APBB2: variants seen among roughly 807,000 people sequenced by gnomAD.
APBB2 encodes the protein amyloid beta precursor protein binding family B member 2, also known as Fe65-like 1.
A neutral mutation model predicts 82.5 loss-of-function variants in APBB2; 38 were observed. The ratio of observed to expected loss-of-function variants is 0.46; its 90% CI spans 0.36 to 0.60. The LOEUF (loss-of-function observed/expected upper bound fraction) is 0.60, where lower values mean the gene tolerates loss of function less well. Among genes scored for constraint, APBB2 ranks in the 20% least tolerant of loss-of-function variants. APBB2 has a pLI of 0.00. For synonymous variants in APBB2, 341 were observed against 368.2 expected (o/e 0.93, Z 0.85); for missense variants, 772 against 972.3 (o/e 0.79, Z 2.74).
At chr4:40,886,132 C>T (rs1324275033) in intron 12 of APBB2, among the ~76,000 whole-genome samples, 1 of 152,204 alleles carries the variant, frequency 6.6e-6, no homozygotes, top group East Asian at 1.9e-4. Context: ...AGATAAGCCT[C>T]CATCAACCAC....
rs188302287 is a variant in APBB2 at position 40,881,467 on chromosome 4, G to A, written c.1529+8897C>T. 5 of 760,338 alleles carry A rather than the reference G, an allele frequency of 6.6e-6. No homozygotes were observed. In the Admixed American group the frequency reaches 3.2e-4, roughly 49 times the overall value. 47.1% of individuals were successfully genotyped at this position (760,338 alleles called of 1,614,324 possible). Reference sequence around the variant, plus strand: ...AGAAACAGAGATAACTTTCAGATTAGCTCAAAAACAAAAGAGACCCATTAT... The same window carrying A: ...AGAAACAGAGATAACTTTCAGATTAACTCAAAAACAAAAGAGACCCATTAT... On this transcript the variant is annotated intron_variant, in intron 12 of 17. Coordinates refer to ENST00000508593, the MANE Select transcript of APBB2 (RefSeq NM_004307.2).
intron 3 of APBB2, among the ~76,000 whole-genome samples, chr4:41,073,470 T>C (rs1292248138): frequency 1.3e-5 from 2 of 152,216 alleles, no homozygotes. Flanking sequence ...AAATTTCTTC[T>C]ATTCTCTTTG....
chr4:40,814,804 GT>G lies in APBB2; in HGVS notation c.*1287del, dbSNP rs1745184575. 1 of 152,178 alleles carries G rather than the reference GT, an allele frequency of 6.6e-6. No individual in the cohort carries two copies. Among genetic ancestry groups the G allele is most frequent in the Non-Finnish European group, 1.5e-5 (1 of 68,030 alleles). The allele number at this position is 152,178 out of a possible 1,614,324, so 9.4% of individuals were successfully genotyped here. ...ACATACGAAGGAGCAGGAAAATGCT[GT>G]TTTGGGAAACTTGTTAAACAGTCCA... is the stretch of plus-strand genomic sequence containing the variant. On this transcript the variant is annotated 3_prime_UTR_variant, in exon 18 of 18. Transcript: ENST00000508593.
intron 2 of APBB2, among the ~76,000 whole-genome samples, chr4:41,102,456 T>C (rs528827077): frequency 2.6e-5 from 4 of 152,364 alleles, no homozygotes; most frequent in South Asian, 2.1e-4. Flanking sequence ...AGTTCTGCTA[T>C]AACGCTTGTG....
intron 12 of APBB2, 125 bp downstream of exon 12, chr4:40,890,239 C>T (rs1193551624): frequency 3.1e-6 from 4 of 1,300,830 alleles, no homozygotes; most frequent in South Asian, 1.6e-5. Flanking sequence ...TTTCATTTTT[C>T]ACATTTCTAT....
chr4:40,822,768 G>A (rs1423072993), intron 16 of APBB2, among the ~76,000 whole-genome samples: 1 of 152,202 alleles, frequency 6.6e-6, no homozygotes, highest in Non-Finnish European at 1.5e-5. Flanking sequence ...TAGTGCCTTG[G>A]GAGTGTTTAA....
At chr4:40,905,364 T>C (rs911968143) in intron 10 of APBB2, among the ~76,000 whole-genome samples, 6 of 152,166 alleles carry the variant, frequency 3.9e-5, no homozygotes, top group Non-Finnish European at 8.8e-5. Context: ...GCTACATTAT[T>C]TGACACAAGG....
At chr4:41,044,230 C>G (rs141267922) in intron 4 of APBB2, among the ~76,000 whole-genome samples, 15 of 152,298 alleles carry the variant, frequency 9.8e-5, no homozygotes, top group Middle Eastern at 3.4e-3. Context: ...GAAGCTGATT[C>G]TTTCCTAACT....
chr4:41,053,868 T>G (rs6447590), intron 4 of APBB2, among the ~76,000 whole-genome samples: 10,947 of 152,288 alleles, frequency 0.072, 1,292 homozygotes, highest in African/African-American at 0.25. Flanking sequence ...TAGAGCTTTC[T>G]TTTCAAAGAC....
At chr4:41,188,029 A>G (rs559614318) in intron 1 of APBB2, among the ~76,000 whole-genome samples, 1 of 152,356 alleles carries the variant, frequency 6.6e-6, no homozygotes, top group African/African-American at 2.4e-5. Context: ...AGACTGTATA[A>G]TACAGCCAGT....
rs1354092870 is a variant in APBB2 at position 41,092,560 on chromosome 4, G to A, written c.-149+8079C>T. On this transcript the variant is annotated intron_variant, in intron 3 of 17. Transcript: ENST00000508593. The stretch of plus-strand genomic sequence containing the variant: ...AAAAATTAGCCAGGCATGGTGGCGC[G>A]TGTGTGTACTCGCAGCTACTCGGGA... 3.3e-5 allele frequency among the ~76,000 whole-genome samples: 5 copies of A among 152,106 alleles called. No individual in the cohort carries two copies. In the East Asian group the frequency reaches 7.8e-4, roughly 24 times the overall value.
At chr4:40,825,828 C>G in intron 15 of APBB2, 59 bp downstream of exon 15, 1 of 1,399,506 alleles carries the variant, frequency 7.1e-7, no homozygotes, top group South Asian at 1.2e-5. Context: ...GGAGGGCGAA[C>G]GCCTCCTGTG....
intron 1 of APBB2, among the ~76,000 whole-genome samples, chr4:41,206,178 G>A (rs1777879931): frequency 6.6e-6 from 1 of 152,190 alleles, no homozygotes; most frequent in African/African-American, 2.4e-5. Flanking sequence ...ATCCTGGGTG[G>A]TAGGCAGGAA....
intron 10 of APBB2, among the ~76,000 whole-genome samples, chr4:40,926,153 G>A (rs537891964): frequency 4.6e-5 from 7 of 152,290 alleles, no homozygotes; most frequent in Middle Eastern, 3.4e-3. Context: ...CAAAATTGGT[G>A]CCTTCTTTTT....
At chr4:41,053,015 T>C (rs567802591) in intron 4 of APBB2, among the ~76,000 whole-genome samples, 1 of 152,302 alleles carries the variant, frequency 6.6e-6, no homozygotes, top group Non-Finnish European at 1.5e-5. Context: ...TCCACCCGCC[T>C]TGGCCTTCCA....
chr4:40,964,559 G>A (rs1754156456), intron 6 of APBB2, among the ~76,000 whole-genome samples: 1 of 152,068 alleles, frequency 6.6e-6, no homozygotes, highest in African/African-American at 2.4e-5. Context: ...AGAGGAATGT[G>A]CGGGGTGCTC....
chr4:40,996,294 G>A (rs1346976703), intron 6 of APBB2, among the ~76,000 whole-genome samples: 2 of 152,138 alleles, frequency 1.3e-5, no homozygotes, highest in African/African-American at 4.8e-5. Flanking sequence ...ACCATTATAA[G>A]TATTTCACTG....
chr4:41,165,974 C>T (rs1454915932), intron 1 of APBB2, among the ~76,000 whole-genome samples: 5 of 150,920 alleles, frequency 3.3e-5, no homozygotes, highest in East Asian at 2.0e-4. Flanking sequence ...CCCGGGTTCA[C>T]GCCATTCTCC....
intron 3 of APBB2, among the ~76,000 whole-genome samples, chr4:41,081,270 CTGTG>C (rs959771337): frequency 1.2e-4 from 18 of 152,138 alleles, no homozygotes; most frequent in African/African-American, 2.9e-4. Flanking sequence ...GTGTGTGTGT[CTGTG>C]TGTGTGTATG....
Sources: allele counts gnomAD v4.1 joint callset (sites outside exome capture counted in the v4.1 genomes callset), GRCh38; gene constraint gnomAD v4.1.1; transcripts MANE v1.5; gene names NCBI Gene and HGNC (gene_info 2026-07-23, HGNC 2026-07-21).